MKLN1: variants seen among roughly 807,000 people sequenced by gnomAD.
The protein encoded by MKLN1 is muskelin.
A neutral mutation model predicts 99.0 loss-of-function variants in MKLN1; 18 were observed. The ratio of observed to expected loss-of-function variants is 0.18; its 90% CI spans 0.13 to 0.27. The LOEUF is 0.27. Among genes scored for constraint, MKLN1 ranks in the 10% least tolerant of loss-of-function variants. The probability of loss-of-function intolerance (pLI) is 1.00; values close to 1 mark genes in which losing one functional copy is unlikely to be tolerated. For missense variants in MKLN1, 621 were observed against 875.9 expected, an observed-to-expected ratio of 0.71 and a Z score of 3.67; for synonymous variants, 288 against 293.2, an observed-to-expected ratio of 0.98 and a Z score of 0.18.
intron 3 of MKLN1, among the ~76,000 whole-genome samples, chr7:131,319,788 T>C (rs1005888008): frequency 2.6e-5 from 4 of 152,018 alleles, no homozygotes; most frequent in African/African-American, 9.7e-5. Context: ...ACACCAATCA[T>C]AGAGAACAGA....
At chr7:131,142,833 G>T in exon 2 of MKLN1, 1 of 1,096,064 alleles carries the variant, frequency 9.1e-7, no homozygotes, top group South Asian at 1.3e-5. Context: ...TCCATATCCA[G>T]ACTCTCAAAC....
At chr7:131,256,046 C>T (rs1021032621) in intron 3 of MKLN1, among the ~76,000 whole-genome samples, 3 of 151,968 alleles carry the variant, frequency 2.0e-5, no homozygotes, top group African/African-American at 7.3e-5. Flanking sequence ...GCTGGGACTA[C>T]AGACATGTAC....
Position 131,348,902 on chromosome 7 carries a change from C to T in MKLN1, c.98+20905C>T, listed in dbSNP as rs576658797. Among the ~76,000 whole-genome samples, 58 of 152,140 alleles carry T rather than the reference C, an allele frequency of 3.8e-4. 1 individual carries two copies. Among genetic ancestry groups the T allele is most frequent in the Non-Finnish European group, 7.2e-4 (49 of 67,988 alleles). ...CACCGATTAATTGGTAGTTTTAGAT[C>T]GGTCATTTAATTTCTCTAGCCTTTT... is the stretch of plus-strand genomic sequence containing the variant. On this transcript the variant is annotated intron_variant, in intron 1 of 17. Transcript: ENST00000352689.
intron 2 of MKLN1, among the ~76,000 whole-genome samples, chr7:131,173,140 A>AACAC (rs56672099): frequency 0.14 from 21,580 of 150,016 alleles, 1,655 homozygotes; most frequent in African/African-American, 0.21. Flanking sequence ...TGTATATACA[A>AACAC]ACACACACAC....
intron 2 of MKLN1, among the ~76,000 whole-genome samples, chr7:131,144,077 A>T (rs747319313): frequency 6.6e-6 from 1 of 152,194 alleles, no homozygotes; most frequent in South Asian, 2.1e-4. Flanking sequence ...GAATGTAAGC[A>T]TTATGAGGGC....
chr7:131,280,551 A>G (rs1366337443), intron 3 of MKLN1, among the ~76,000 whole-genome samples: 1 of 152,194 alleles, frequency 6.6e-6, no homozygotes, highest in Non-Finnish European at 1.5e-5. Context: ...AATGACGAAT[A>G]ATGTTAAGTA....
intron 3 of MKLN1, among the ~76,000 whole-genome samples, chr7:131,297,169 A>G (rs1215663410): frequency 6.6e-6 from 1 of 152,098 alleles, no homozygotes; most frequent in Non-Finnish European, 1.5e-5. Flanking sequence ...AGAACAGCCT[A>G]GCTAACACGG....
chr7:131,448,014 G>A lies in MKLN1; in HGVS notation c.1525+2111G>A, dbSNP rs537646786. On this transcript the variant is annotated intron_variant, in intron 12 of 17. Coordinates refer to ENST00000352689, the MANE Select transcript of MKLN1 (RefSeq NM_013255.5). ...GAGGCCAAGACAGGTGGATCACGAG[G>A]TCAGGAGATCGAGACCATCCTGGCT... Among the ~76,000 whole-genome samples, 16 of 152,304 alleles carry A rather than the reference G, an allele frequency of 1.1e-4. No homozygotes were observed. The South Asian group carries it at 3.1e-3, about 30-fold the overall frequency.
intron 3 of MKLN1, among the ~76,000 whole-genome samples, chr7:131,301,750 C>G (rs1798379786): frequency 1.3e-5 from 2 of 152,144 alleles, no homozygotes; most frequent in African/African-American, 2.4e-5. Flanking sequence ...CTAGGATTTG[C>G]TATCACCAGG....
intron 9 of MKLN1, among the ~76,000 whole-genome samples, chr7:131,437,394 A>G (rs1180364882): frequency 6.6e-6 from 1 of 152,218 alleles, no homozygotes; most frequent in Non-Finnish European, 1.5e-5. Context: ...AAAAATGTTC[A>G]TAAAGACCAA....
At chr7:131,283,091 C>T (rs1798075564) in intron 3 of MKLN1, among the ~76,000 whole-genome samples, 1 of 152,160 alleles carries the variant, frequency 6.6e-6, no homozygotes, top group Non-Finnish European at 1.5e-5. Flanking sequence ...ACTGAGAGGG[C>T]TCTTCAGTGT....
intron 2 of MKLN1, among the ~76,000 whole-genome samples, chr7:131,377,237 CT>C (rs1338397676): frequency 1.3e-5 from 2 of 152,108 alleles, no homozygotes; most frequent in Non-Finnish European, 2.9e-5. Flanking sequence ...GTGTATTGAA[CT>C]TTATCAGGTA....
chr7:131,424,813 A>G (rs1278169740), intron 8 of MKLN1, among the ~76,000 whole-genome samples: 1 of 151,932 alleles, frequency 6.6e-6, no homozygotes, highest in Admixed American at 6.6e-5. Context: ...GTCATTCTCA[A>G]CTCCTTCAGT....
chr7:131,120,170 CA>C (rs34545571), intron 1 of MKLN1, among the ~76,000 whole-genome samples: 7 of 76,496 alleles, frequency 9.2e-5, no homozygotes, highest in East Asian at 3.7e-4. Flanking sequence ...GACTCCATCT[CA>C]AAAAAAAAAA....
chr7:131,438,463 G>C (rs1357167241), intron 10 of MKLN1, among the ~76,000 whole-genome samples: 1 of 146,740 alleles, frequency 6.8e-6, no homozygotes, highest in East Asian at 2.0e-4. Context: ...AAACCTAGAG[G>C]GGAATTTGAC....
intron 1 of MKLN1, among the ~76,000 whole-genome samples, chr7:131,374,932 C>CTTTT (rs1793593308): frequency 6.6e-6 from 1 of 150,714 alleles, no homozygotes; most frequent in Non-Finnish European, 1.5e-5. Flanking sequence ...TATTTTTACC[C>CTTTT]TGAAGTCTTT....
chr7:131,251,947 G>A (rs1797587244), intron 3 of MKLN1, among the ~76,000 whole-genome samples: 1 of 152,084 alleles, frequency 6.6e-6, no homozygotes, highest in South Asian at 2.1e-4. Flanking sequence ...TCAAAGTGCT[G>A]GGACTACAGG....
chr7:131,405,579 A>G (rs909605814), intron 6 of MKLN1, among the ~76,000 whole-genome samples: 1 of 152,066 alleles, frequency 6.6e-6, no homozygotes, highest in Non-Finnish European at 1.5e-5. Context: ...TTTCCCTTAT[A>G]TACATTTAAA....
At chr7:131,203,438 A>T (rs1796760058) in intron 3 of MKLN1, among the ~76,000 whole-genome samples, 2 of 152,138 alleles carry the variant, frequency 1.3e-5, no homozygotes, top group South Asian at 4.1e-4. Flanking sequence ...CCCTGTGGGC[A>T]ATTGGGGAAA....
Sources: gnomAD v4.1 joint callset for allele counts (sites outside exome capture counted in the v4.1 genomes callset) on GRCh38, gnomAD v4.1.1 for gene constraint, MANE v1.5 for transcripts, NCBI Gene and HGNC (gene_info 2026-07-23, HGNC 2026-07-21) for gene names.